Variants in MERTK observed in about 807,000 individuals in gnomAD.
MERTK encodes the protein MER proto-oncogene, tyrosine kinase, also known as tyrosine-protein kinase Mer.
In MERTK, 69 loss-of-function variants were observed where a neutral mutation model predicts 99.3. That is an observed-to-expected ratio of 0.70 (90% CI 0.57 to 0.85). The LOEUF is 0.85. MERTK is among the 40% of genes least tolerant of loss of function. MERTK has a pLI of 0.00. For missense variants in MERTK, 1,125 were observed against 1,249.4 expected (o/e 0.90, Z 1.50); for synonymous variants, 426 against 467.6 (o/e 0.91, Z 1.15).
intron 8 of MERTK, among the ~76,000 whole-genome samples, chr2:111,989,517 G>A (rs572902481): frequency 7.9e-5 from 12 of 152,102 alleles, no homozygotes; most frequent in East Asian, 3.9e-4. Flanking sequence ...CACCACGCCC[G>A]GCTAATTTTC....
intron 1 of MERTK, among the ~76,000 whole-genome samples, chr2:111,914,208 G>A (rs1453404577): frequency 6.8e-6 from 1 of 147,956 alleles, no homozygotes; most frequent in Non-Finnish European, 1.5e-5. Context: ...AGGTTCAAGT[G>A]ATTCTCCTGT....
chr2:111,947,484 A>G lies in MERTK; in HGVS notation c.674A>G (p.Glu225Gly), dbSNP rs1474270824. 1 of 1,614,196 alleles carries G rather than the reference A, an allele frequency of 6.2e-7. No individual in the cohort carries two copies. The highest frequency in any genetic ancestry group is 8.5e-7 in the Non-Finnish European group (1 of 1,180,046). ...NLTCQAVGPP[E>G]PVNIFWVQNS... is the part of the protein sequence containing the mutation. ...ACCTGTCAGGCTGTGGGCCCGCCTG[A>G]GCCCGTCAACATTTTCTGGGTTCAA... The change falls in exon 4 of 19, where the codon GAG becomes GGG. Residue 225 changes from glutamate to glycine, a missense_variant. By Grantham distance (98) the Glu-to-Gly change is moderately conservative. Coordinates refer to ENST00000295408, the MANE Select transcript of MERTK (RefSeq NM_006343.3).
At chr2:111,991,098 C>T (rs745375124) in intron 8 of MERTK, among the ~76,000 whole-genome samples, 10 of 152,166 alleles carry the variant, frequency 6.6e-5, no homozygotes, top group Non-Finnish European at 1.5e-4. Context: ...AGTCACCAAA[C>T]GGCTCCATGA....
chr2:112,000,299 A>G (rs1404041908), intron 10 of MERTK, among the ~76,000 whole-genome samples: 1 of 152,218 alleles, frequency 6.6e-6, no homozygotes, highest in Non-Finnish European at 1.5e-5. Flanking sequence ...ATCCATTGTC[A>G]TTAACTAACA....
intron 16 of MERTK, chr2:112,020,687 G>A (rs1300132787): frequency 4.2e-6 from 2 of 470,966 alleles, no homozygotes; most frequent in Non-Finnish European, 8.8e-6. Flanking sequence ...CTCTCAGGGG[G>A]CTTACTTAGT....
At chr2:112,018,175 A>G (rs1677257390) in intron 15 of MERTK, among the ~76,000 whole-genome samples, 1 of 152,232 alleles carries the variant, frequency 6.6e-6, no homozygotes, top group Non-Finnish European at 1.5e-5. Flanking sequence ...TCCATCTTGT[A>G]TCCTACAACC....
chr2:112,003,671 T>C (rs1285345023), intron 12 of MERTK, among the ~76,000 whole-genome samples: 2 of 152,194 alleles, frequency 1.3e-5, no homozygotes, highest in Non-Finnish European at 2.9e-5. Flanking sequence ...TAATGCTTAA[T>C]AAAGTGATGA....
rs1290699644 is a variant in MERTK, at chr2:111,898,753, G to A, written c.18G>A (p.Leu6=). 6.2e-7 allele frequency: 1 copy of A among 1,605,982 alleles called. No homozygotes were observed. Among genetic ancestry groups the A allele is most frequent in the South Asian group, 1.1e-5 (1 of 89,760 alleles). Residue 6 remains leucine (L), a synonymous_variant, in exon 1 of 19, where the codon CTG becomes CTA. Transcript: ENST00000295408. The part of the protein sequence containing the change: MGPAP[L]PLLLGLFLPA... Reference sequence around the variant, plus strand: ...GCCCCGGGATGGGGCCGGCCCCGCTGCCGCTGCTGCTGGGCCTCTTCCTCC... The same window carrying A: ...GCCCCGGGATGGGGCCGGCCCCGCTACCGCTGCTGCTGGGCCTCTTCCTCC...
At chr2:111,975,907 G>C (rs1282615933) in intron 7 of MERTK, among the ~76,000 whole-genome samples, 1 of 152,016 alleles carries the variant, frequency 6.6e-6, no homozygotes, top group Admixed American at 6.5e-5. Flanking sequence ...GATAGCTTCA[G>C]ATCCCATAGG....
intron 4 of MERTK, among the ~76,000 whole-genome samples, chr2:111,949,659 G>A (rs1430775386): frequency 6.6e-6 from 1 of 152,106 alleles, no homozygotes; most frequent in African/African-American, 2.4e-5. Context: ...GTTTTCCTAA[G>A]TGTAGACACC....
Position 111,969,005 on chromosome 2 carries a change from G to A in MERTK, c.960+753G>A, listed in dbSNP as rs535286165. Among the ~76,000 whole-genome samples the A allele has an allele frequency of 1.2e-4, 18 of 152,246 alleles. No homozygotes were observed. The South Asian group carries it at 2.5e-3, about 21-fold the overall frequency. ...GCGTAGCACCTTACCCAGTGTCACC[G>A]GGGGATCCTGGTCATTGCAGGCCTT... On this transcript the variant is annotated intron_variant, in intron 6 of 18. Coordinates refer to ENST00000295408, the MANE Select transcript of MERTK (RefSeq NM_006343.3).
In MERTK at chr2:112,029,452, G is replaced by C; in HGVS notation, c.*588G>C. The C allele has an allele frequency of 1.9e-6, 1 of 531,178 alleles. No homozygotes were observed. The highest frequency in any genetic ancestry group is 2.4e-6 in the Non-Finnish European group (1 of 414,886). The allele number at this position is 531,178 out of a possible 1,614,324, so 32.9% of individuals were successfully genotyped here. On this transcript the variant is annotated 3_prime_UTR_variant, in exon 19 of 19. Transcript: ENST00000295408. ...TTGCAAAGGAATTCCCTTAATGCCT[G>C]GTCCTTGGGGCAATTGCTCTGACCA... is the stretch of plus-strand genomic sequence containing the variant.
Position 111,971,429 on chromosome 2 carries a change from T to TA in MERTK, c.960+3186dup, listed in dbSNP as rs549741293. Among the ~76,000 whole-genome samples, 74 of 150,500 alleles carry TA rather than the reference T, an allele frequency of 4.9e-4. No individual in the cohort carries two copies. In the East Asian group the frequency reaches 6.7e-3, roughly 14 times the overall value. On this transcript the variant is annotated intron_variant, in intron 6 of 18. Transcript: ENST00000295408. The stretch of plus-strand genomic sequence containing the variant: ...GTTATTGATTGTGTTCTTTTATATA[T>TA]AAAAAAAAATAGGCATTTACACTCT...
At position 111,967,721 on chromosome 2, in the gene MERTK, C is replaced by T. The variant is rs113738100; in HGVS notation, c.845-416C>T. On this transcript the variant is annotated intron_variant, in intron 5 of 18. Coordinates refer to ENST00000295408, the MANE Select transcript of MERTK (RefSeq NM_006343.3). ...ACAGGGCGCTCTTATTCTTGGTTAACGTGGGTCTCCTATACCAGGCCATGT... is the reference window on the plus strand; with the variant it reads ...ACAGGGCGCTCTTATTCTTGGTTAATGTGGGTCTCCTATACCAGGCCATGT... Among the ~76,000 whole-genome samples the T allele has an allele frequency of 6.5e-3, 983 of 152,280 alleles. 13 individuals carry two copies. Among genetic ancestry groups the T allele is most frequent in the African/African-American group, 0.023 (947 of 41,530 alleles).
At chr2:111,913,602 G>A (rs1684291783) in intron 1 of MERTK, among the ~76,000 whole-genome samples, 1 of 152,062 alleles carries the variant, frequency 6.6e-6, no homozygotes, top group South Asian at 2.1e-4. Flanking sequence ...GGAGTACAGT[G>A]GTGCAATCTC....
At position 112,003,901 on chromosome 2, in the gene MERTK, C is replaced by T; in HGVS notation, c.1787-3C>T. ...TCCATACAGGTGTTCTTTCACTTCA[C>T]AGGAGAGTTTGGGTCTGTAATGGAA... On this transcript the variant is annotated splice_polypyrimidine_tract_variant and splice_region_variant and intron_variant, in intron 12 of 18. Coordinates refer to ENST00000295408, the MANE Select transcript of MERTK (RefSeq NM_006343.3). The T allele has an allele frequency of 6.2e-7, 1 of 1,611,848 alleles. No homozygotes were observed. Among genetic ancestry groups the T allele is most frequent in the Non-Finnish European group, 8.5e-7 (1 of 1,178,022 alleles).
intron 1 of MERTK, among the ~76,000 whole-genome samples, chr2:111,899,165 G>T (rs1260851579): frequency 2.0e-5 from 3 of 152,202 alleles, no homozygotes; most frequent in African/African-American, 7.2e-5. Flanking sequence ...TCTGGGATGC[G>T]ACGAGAACTT....
rs1573646143 is a variant in MERTK at position 112,019,446 on chromosome 2, G to A, written c.2113G>A (p.Val705Met). The A allele has an allele frequency of 1.9e-6, 3 of 1,613,678 alleles. No homozygotes were observed. Among genetic ancestry groups the A allele is most frequent in the Non-Finnish European group, 1.7e-6 (2 of 1,179,640 alleles). ...TCTGCAGACACTATTGAAGTTCATG[G>A]TGGATATTGCCCTGGGAATGGAGTA... is the stretch of plus-strand genomic sequence containing the variant. ...IPLQTLLKFM[V>M]DIALGMEYLS... Residue 705 changes from valine to methionine, a missense_variant, in exon 16 of 19, where the codon GTG becomes ATG. By Grantham distance (21) the Val-to-Met change is conservative (BLOSUM62 1). Transcript: ENST00000295408.
intron 2 of MERTK, among the ~76,000 whole-genome samples, chr2:111,932,277 G>A (rs1351270494): frequency 4.6e-5 from 7 of 152,144 alleles, no homozygotes; most frequent in Non-Finnish European, 4.4e-5. Context: ...TGCCTCCCAG[G>A]TTCATGCCAT....
Sources: gnomAD v4.1 joint callset for allele counts (sites outside exome capture counted in the v4.1 genomes callset) on GRCh38, gnomAD v4.1.1 for gene constraint, MANE v1.5 for transcripts, NCBI Gene and HGNC (gene_info 2026-07-23, HGNC 2026-07-21) for gene names.